The following EPCIP variants were observed in gnomAD, a reference collection of about 807,000 sequenced individuals.
The protein encoded by EPCIP is exosomal polycystin 1 interacting protein, also known as exosomal polycystin-1-interacting protein.
the EPCIP span, among the ~76,000 whole-genome samples, chr21:32,801,054 G>A: frequency 6.6e-6 from 1 of 152,176 alleles, no homozygotes; most frequent in East Asian, 1.9e-4. Context: ...ATGTGATTGA[G>A]TTCTGGCCAA....
At chr21:32,806,115 G>A in the EPCIP span, among the ~76,000 whole-genome samples, 1 of 152,124 alleles carries the variant, frequency 6.6e-6, no homozygotes, top group African/African-American at 2.4e-5. Context: ...AGCAAGCAGA[G>A]GCTGCAAGAA....
the EPCIP span, chr21:32,799,008 T>C: frequency 6.6e-6 from 1 of 151,974 alleles, no homozygotes; most frequent in African/African-American, 2.4e-5. Flanking sequence ...ACCAAATAAG[T>C]AAATAAATAA....
At chr21:32,809,424 C>G in the EPCIP span, among the ~76,000 whole-genome samples, 2 of 150,786 alleles carry the variant, frequency 1.3e-5, no homozygotes, top group South Asian at 2.1e-4. Flanking sequence ...TGCTCTGTCA[C>G]CCAGGCTGGA....
At chr21:32,802,407 G>A in the EPCIP span, among the ~76,000 whole-genome samples, 1 of 152,164 alleles carries the variant, frequency 6.6e-6, no homozygotes, top group Non-Finnish European at 1.5e-5. Context: ...GCTCCTGCAA[G>A]AGACAAAAAA....
the EPCIP span, among the ~76,000 whole-genome samples, chr21:32,803,276 T>C: frequency 8.6e-4 from 131 of 152,262 alleles, no homozygotes; most frequent in South Asian, 2.9e-3. Flanking sequence ...TGTCCAAGGG[T>C]ATTTGCACTG....
chr21:32,794,358 A>C, the EPCIP span: 1 of 1,614,120 alleles, frequency 6.2e-7, no homozygotes. Flanking sequence ...TTGGTGAAGC[A>C]GTTAAGTGCA....
chr21:32,804,169 T>A, the EPCIP span, among the ~76,000 whole-genome samples: 1 of 152,176 alleles, frequency 6.6e-6, no homozygotes, highest in South Asian at 2.1e-4. Flanking sequence ...CTCACTAGTA[T>A]ATAGTTGGAT....
chr21:32,796,462 T>C, the EPCIP span, among the ~76,000 whole-genome samples: 1 of 152,190 alleles, frequency 6.6e-6, no homozygotes, highest in Non-Finnish European at 1.5e-5. Flanking sequence ...CAGGCGGCTA[T>C]GAGAACATAG....
the EPCIP span, among the ~76,000 whole-genome samples, chr21:32,805,122 G>T: frequency 6.6e-6 from 1 of 152,154 alleles, no homozygotes; most frequent in Non-Finnish European, 1.5e-5. Flanking sequence ...CTTATAAGAA[G>T]AAGGCAATAT....
chr21:32,807,226 A>G, the EPCIP span, among the ~76,000 whole-genome samples: 2 of 152,040 alleles, frequency 1.3e-5, no homozygotes, highest in African/African-American at 2.4e-5. Flanking sequence ...TCCTTAGCAC[A>G]GGGCCTGGCA....
chr21:32,807,196 G>T, the EPCIP span, among the ~76,000 whole-genome samples: 1 of 152,102 alleles, frequency 6.6e-6, no homozygotes, highest in Non-Finnish European at 1.5e-5. Flanking sequence ...ATGCCTTCTT[G>T]CTGATTGCGG....
the EPCIP span, among the ~76,000 whole-genome samples, chr21:32,810,974 A>G: frequency 1.1e-4 from 16 of 152,378 alleles, no homozygotes; most frequent in East Asian, 1.3e-3. Context: ...TGTATGTTGT[A>G]TACTGAAAAT....
the EPCIP span, among the ~76,000 whole-genome samples, chr21:32,810,079 T>C: frequency 6.6e-6 from 1 of 152,116 alleles, no homozygotes; most frequent in African/African-American, 2.4e-5. Context: ...AATCCAGTGA[T>C]TAATTTCCTG....
chr21:32,797,387 T>A, the EPCIP span: 1 of 189,222 alleles, frequency 5.3e-6, no homozygotes, highest in Non-Finnish European at 1.1e-5. Context: ...TAGCTGAGAT[T>A]ATAAGCACGC....
chr21:32,794,329 C>T, the EPCIP span: 1,380 of 1,614,204 alleles, frequency 8.5e-4, 15 homozygotes, highest in African/African-American at 0.016. Context: ...TGAAGATGAG[C>T]GTGCTGTTCT....
chr21:32,793,745 T>G, the EPCIP span: 5 of 1,612,888 alleles, frequency 3.1e-6, no homozygotes, highest in Admixed American at 8.3e-5. Flanking sequence ...TCCAGGCAGC[T>G]GGACACAGTT....
At chr21:32,809,287 T>TCTTTCTTTCTTC in the EPCIP span, among the ~76,000 whole-genome samples, 2 of 111,978 alleles carry the variant, frequency 1.8e-5, no homozygotes, top group African/African-American at 3.4e-5. Flanking sequence ...TTCCTTTCTT[T>TCTTTCTTTCTTC]CTTTCTTTCT....
At chr21:32,809,092 A>G in the EPCIP span, among the ~76,000 whole-genome samples, 1 of 151,574 alleles carries the variant, frequency 6.6e-6, no homozygotes, top group Non-Finnish European at 1.5e-5. Flanking sequence ...TCAGAGATGG[A>G]AATGCGAAGT....
chr21:32,793,772 A>T, the EPCIP span: 2 of 1,614,192 alleles, frequency 1.2e-6, no homozygotes, highest in Non-Finnish European at 1.7e-6. Context: ...CTAGTAAATA[A>T]ATGTGACAAC....
Sources: allele counts gnomAD v4.1 joint callset (sites outside exome capture counted in the v4.1 genomes callset), GRCh38; gene constraint gnomAD v4.1.1; transcripts MANE v1.5; gene names NCBI Gene and HGNC (gene_info 2026-07-23, HGNC 2026-07-21).